Variants in CDH18 observed in about 807,000 individuals in gnomAD.
CDH18 encodes the protein cadherin-18.
CDH18 carries 31 observed loss-of-function variants against 67.9 expected under a neutral mutation model. The observed-to-expected ratio is 0.46, with a 90% CI of 0.34 to 0.62. The LOEUF is 0.62. Among genes scored for constraint, CDH18 ranks in the 20% least tolerant of loss-of-function variants. The probability of loss-of-function intolerance (pLI) is 0.01; values close to 1 mark genes in which losing one functional copy is unlikely to be tolerated. For missense variants in CDH18, 890 were observed against 975.5 expected (o/e 0.91, Z 1.17); for synonymous variants, 362 against 347.2 (o/e 1.04, Z -0.48).
At chr5:19,669,406 C>T (rs1758434901) in intron 5 of CDH18, among the ~76,000 whole-genome samples, 1 of 151,644 alleles carries the variant, frequency 6.6e-6, no homozygotes, top group African/African-American at 2.4e-5. Context: ...GATTCTCCTG[C>T]CTCAGCCGCC....
chr5:20,346,785 C>T (rs76053526), intron 1 of CDH18, among the ~76,000 whole-genome samples: 3,836 of 152,110 alleles, frequency 0.025, 106 homozygotes, highest in African/African-American at 0.066. Context: ...ATAGGTGGCT[C>T]GGTTGTAGGA....
chr5:20,183,094 C>G (rs1360773517), intron 2 of CDH18, among the ~76,000 whole-genome samples: 1 of 151,952 alleles, frequency 6.6e-6, no homozygotes, highest in African/African-American at 2.4e-5. Flanking sequence ...TATAATGGAC[C>G]TTAACTACAA....
chr5:20,240,477 G>C (rs1445952943), intron 2 of CDH18, among the ~76,000 whole-genome samples: 1 of 152,126 alleles, frequency 6.6e-6, no homozygotes, highest in Non-Finnish European at 1.5e-5. Flanking sequence ...GACCAGACTT[G>C]ATAGATTACT....
At chr5:19,578,538 A>C (rs1241911581) in intron 7 of CDH18, among the ~76,000 whole-genome samples, 1 of 151,456 alleles carries the variant, frequency 6.6e-6, no homozygotes, top group African/African-American at 2.4e-5. Flanking sequence ...AGATTAGTTT[A>C]GGTTTTTTTT....
chr5:20,331,491 G>T (rs951053096), intron 1 of CDH18: 3 of 152,152 alleles, frequency 2.0e-5, no homozygotes, highest in African/African-American at 4.8e-5. Context: ...CTATAAAAGT[G>T]TGAAATAGAT....
intron 3 of CDH18, among the ~76,000 whole-genome samples, chr5:19,760,973 C>T (rs1772257533): frequency 6.6e-6 from 1 of 152,190 alleles, no homozygotes; most frequent in Admixed American, 6.5e-5. Context: ...TTCATTCTGG[C>T]CAAAAAATAT....
intron 2 of CDH18, among the ~76,000 whole-genome samples, chr5:20,030,764 G>C (rs1269495952): frequency 6.6e-6 from 1 of 152,156 alleles, no homozygotes; most frequent in Non-Finnish European, 1.5e-5. Flanking sequence ...GTTAGGCCAT[G>C]CAGAGTGTCC....
At chr5:20,406,753 G>A (rs1192061159) in intron 1 of CDH18, among the ~76,000 whole-genome samples, 2 of 152,130 alleles carry the variant, frequency 1.3e-5, no homozygotes, top group Non-Finnish European at 2.9e-5. Context: ...AAGGAAGATA[G>A]TAGAATAGGG....
Position 19,647,509 on chromosome 5 carries a change from G to A in CDH18, c.644-34908C>T, listed in dbSNP as rs187913542. ...CATGCCATTGTACTCCAGCCCAGGT[G>A]ACAGAGCGAGACTCCATCAAAAAAA... On this transcript the variant is annotated intron_variant, in intron 5 of 12. Coordinates refer to ENST00000382275, the MANE Select transcript of CDH18 (RefSeq NM_004934.5). Among the ~76,000 whole-genome samples the A allele has an allele frequency of 7.4e-5, 8 of 107,554 alleles. No homozygotes were observed. The Admixed American group carries it at 1.0e-3, about 14-fold the overall frequency. 70.6% of individuals were successfully genotyped at this position (107,554 alleles called of 152,430 possible).
chr5:19,473,084 A>AAAAGGG lies in CDH18; in HGVS notation c.*136_*141dup. 2 of 916,938 alleles carry AAAAGGG rather than the reference A, an allele frequency of 2.2e-6. No homozygotes were observed. The highest frequency in any genetic ancestry group is 4.9e-5 in the East Asian group (2 of 40,580). 56.8% of individuals were successfully genotyped at this position (916,938 alleles called of 1,614,324 possible). On this transcript the variant is annotated 3_prime_UTR_variant, in exon 13 of 13. Transcript: ENST00000382275. ...ATTAAATAACCCAGTTTCGATCATG[A>AAAAGGG]AAAGGGCACTTGTTTCTACAGGAGC...
At chr5:19,662,742 T>C (rs2150317612) in intron 5 of CDH18, among the ~76,000 whole-genome samples, 1 of 152,132 alleles carries the variant, frequency 6.6e-6, no homozygotes, top group Non-Finnish European at 1.5e-5. Flanking sequence ...GTATAGTGTG[T>C]GAAATTAAGG....
chr5:19,571,384 G>A (rs1328448168), intron 8 of CDH18, among the ~76,000 whole-genome samples, 195 bp downstream of exon 8: 1 of 152,116 alleles, frequency 6.6e-6, no homozygotes, highest in Non-Finnish European at 1.5e-5. Context: ...CATGGAGATA[G>A]CAAAATATGT....
intron 2 of CDH18, among the ~76,000 whole-genome samples, chr5:19,910,938 T>G (rs1791070348): frequency 1.3e-5 from 2 of 152,132 alleles, no homozygotes; most frequent in Admixed American, 6.6e-5. Flanking sequence ...GCATTGACTC[T>G]GAAGTGACAT....
chr5:20,023,532 AC>A (rs1024539701), intron 2 of CDH18, among the ~76,000 whole-genome samples: 1 of 151,424 alleles, frequency 6.6e-6, no homozygotes, highest in Non-Finnish European at 1.5e-5. Context: ...GGTGGCGGGC[AC>A]CTGTACTCCC....
At chr5:20,234,916 A>T (rs2126518990) in intron 2 of CDH18, among the ~76,000 whole-genome samples, 1 of 152,264 alleles carries the variant, frequency 6.6e-6, no homozygotes, top group South Asian at 2.1e-4. Context: ...AACATGAAGA[A>T]AACTGCAATT....
intron 2 of CDH18, among the ~76,000 whole-genome samples, chr5:19,890,031 C>T (rs1197543156): frequency 6.6e-6 from 1 of 152,082 alleles, no homozygotes; most frequent in East Asian, 1.9e-4. Flanking sequence ...AATCAAATTA[C>T]CACAAACTTG....
chr5:19,595,342 G>C (rs1746001255), intron 6 of CDH18, among the ~76,000 whole-genome samples: 1 of 152,138 alleles, frequency 6.6e-6, no homozygotes, highest in Non-Finnish European at 1.5e-5. Context: ...AATGTAAAAA[G>C]ACAAATAAAT....
At chr5:20,068,240 C>T (rs547819853) in intron 2 of CDH18, among the ~76,000 whole-genome samples, 1 of 152,178 alleles carries the variant, frequency 6.6e-6, no homozygotes, top group South Asian at 2.1e-4. Flanking sequence ...AATGTTTAAT[C>T]ATACATGATG....
At chr5:20,229,988 G>A (rs1487485755) in intron 2 of CDH18, among the ~76,000 whole-genome samples, 1 of 152,060 alleles carries the variant, frequency 6.6e-6, no homozygotes, top group Non-Finnish European at 1.5e-5. Flanking sequence ...TAGTTTCCAG[G>A]CACTGCAGTT....
Sources: allele counts gnomAD v4.1 joint callset (sites outside exome capture counted in the v4.1 genomes callset), GRCh38; gene constraint gnomAD v4.1.1; transcripts MANE v1.5; gene names NCBI Gene and HGNC (gene_info 2026-07-23, HGNC 2026-07-21).